Variants in ITFG1 observed in about 807,000 individuals in gnomAD.
ITFG1 encodes the protein T-cell immunomodulatory protein.
Under a neutral mutation model 81.8 loss-of-function variants are expected in ITFG1, and 34 were observed. That is an observed-to-expected ratio of 0.42 (90% CI 0.32 to 0.55). The LOEUF (loss-of-function observed/expected upper bound fraction) is 0.55, where lower values mean the gene tolerates loss of function less well. ITFG1 is among the 20% of genes least tolerant of loss of function. The probability of loss-of-function intolerance (pLI) is 0.17; values close to 1 mark genes in which losing one functional copy is unlikely to be tolerated. For missense variants in ITFG1, 672 were observed against 755.4 expected (o/e 0.89, Z 1.29); for synonymous variants, 285 against 270.6 (o/e 1.05, Z -0.52).
intron 10 of ITFG1, among the ~76,000 whole-genome samples, chr16:47,264,765 G>A (rs185556061): frequency 2.0e-5 from 3 of 152,074 alleles, no homozygotes; most frequent in Non-Finnish European, 4.4e-5. Context: ...ATATCTTGCC[G>A]GTATTAGTAA....
chr16:47,409,405 T>TATATATATATATATATATATATATATA (rs60029204), intron 6 of ITFG1, among the ~76,000 whole-genome samples: 1 of 8,036 alleles, frequency 1.2e-4, no homozygotes, highest in African/African-American at 4.3e-4. Context: ...TATATATATA[T>TATATATATATATATATATATATATATA]TTTTTTTTTT....
At chr16:47,349,923 A>G (rs1967924734) in intron 8 of ITFG1, among the ~76,000 whole-genome samples, 1 of 152,242 alleles carries the variant, frequency 6.6e-6, no homozygotes, top group African/African-American at 2.4e-5. Context: ...AAACTGGTCA[A>G]CTACATGGAA....
intron 8 of ITFG1, among the ~76,000 whole-genome samples, chr16:47,352,758 CAT>C (rs974793073): frequency 1.4e-4 from 21 of 152,136 alleles, no homozygotes; most frequent in African/African-American, 5.1e-4. Context: ...CACATGCACA[CAT>C]ATGTTTATTG....
intron 12 of ITFG1, among the ~76,000 whole-genome samples, chr16:47,248,512 A>G (rs570491683): frequency 6.6e-6 from 1 of 152,334 alleles, no homozygotes; most frequent in East Asian, 1.9e-4. Context: ...TGATTCTACT[A>G]ATGTCACCCT....
chr16:47,419,662 G>A (rs1364393746), intron 6 of ITFG1, among the ~76,000 whole-genome samples: 1 of 143,270 alleles, frequency 7.0e-6, no homozygotes, highest in Non-Finnish European at 1.5e-5. Flanking sequence ...ACTGGAGTGT[G>A]GTGGCACAAA....
rs1226955635 is a variant in ITFG1, at chr16:47,358,421, ATGT to A, written c.802+7364_802+7366del. Among the ~76,000 whole-genome samples, 7 of 152,352 alleles carry A rather than the reference ATGT, an allele frequency of 4.6e-5. No homozygotes were observed. In the East Asian group the frequency reaches 1.3e-3, roughly 29 times the overall value. On this transcript the variant is annotated intron_variant, in intron 8 of 17. Coordinates refer to ENST00000320640, the MANE Select transcript of ITFG1 (RefSeq NM_030790.5). The stretch of plus-strand genomic sequence containing the variant: ...TAACAGTAAATACTGTAGATAATGT[ATGT>A]TGTTATCTACTGGTCAGAATTCATG...
In ITFG1 at chr16:47,158,929, T is replaced by A. The variant is rs1567409331; in HGVS notation, c.1723A>T (p.Ile575Phe). 1.2e-6 allele frequency: 2 copies of A among 1,606,386 alleles called. No homozygotes were observed. The highest frequency in any genetic ancestry group is 1.7e-6 in the Non-Finnish European group (2 of 1,176,038). ...NIVLLTAIAL[I>F]GVCVFILAII... ...GCCAAGATGAAAACACAGACACCGA[T>A]GAGAGCTATAGCAGTAAGCAGAACA... The change falls in exon 17 of 18, where the codon ATC becomes TTC. Residue 575 changes from isoleucine (I) to phenylalanine (F), a missense_variant. This residue lies in a region of ITFG1 where 65 missense variants were observed against 103.3 expected (regional missense o/e 0.63). Coordinates refer to ENST00000320640, the MANE Select transcript of ITFG1 (RefSeq NM_030790.5).
intron 6 of ITFG1, among the ~76,000 whole-genome samples, chr16:47,419,174 A>C (rs1968909764): frequency 6.6e-6 from 1 of 152,144 alleles, no homozygotes; most frequent in African/African-American, 2.4e-5. Flanking sequence ...TTAGAGACAG[A>C]GTCTGTCTAT....
At chr16:47,370,573 G>A (rs1968239778) in intron 7 of ITFG1, among the ~76,000 whole-genome samples, 1 of 152,238 alleles carries the variant, frequency 6.6e-6, no homozygotes, top group Non-Finnish European at 1.5e-5. Context: ...GTTTTTAGAT[G>A]CCACTATGCT....
chr16:47,170,405 T>G (rs1252167960), intron 14 of ITFG1, among the ~76,000 whole-genome samples: 1 of 152,112 alleles, frequency 6.6e-6, no homozygotes, highest in Non-Finnish European at 1.5e-5. Flanking sequence ...TGGGTCAGTT[T>G]TGTATTGTGT....
At chr16:47,266,174 G>C (rs1966272575) in intron 10 of ITFG1, among the ~76,000 whole-genome samples, 1 of 152,088 alleles carries the variant, frequency 6.6e-6, no homozygotes, top group African/African-American at 2.4e-5. Context: ...ACCACAATGA[G>C]ACAACACTTC....
intron 14 of ITFG1, among the ~76,000 whole-genome samples, chr16:47,199,189 C>T (rs2151520039): frequency 6.6e-6 from 1 of 152,048 alleles, no homozygotes; most frequent in East Asian, 1.9e-4. Context: ...ATTGCTTGAA[C>T]CTGGGAGGCA....
chr16:47,190,189 A>G (rs907146375), intron 14 of ITFG1, among the ~76,000 whole-genome samples: 1 of 152,146 alleles, frequency 6.6e-6, no homozygotes, highest in Non-Finnish European at 1.5e-5. Flanking sequence ...CATTTCACTT[A>G]TAAGGGGCCT....
intron 2 of ITFG1, among the ~76,000 whole-genome samples, chr16:47,458,713 C>T (rs1969483310): frequency 6.6e-6 from 1 of 152,128 alleles, no homozygotes; most frequent in East Asian, 1.9e-4. Context: ...AGAACACTGA[C>T]TTTTTCCCCA....
chr16:47,281,158 A>G (rs1374441678), intron 10 of ITFG1, among the ~76,000 whole-genome samples: 1 of 152,124 alleles, frequency 6.6e-6, no homozygotes, highest in African/African-American at 2.4e-5. Context: ...TATGAAGTCA[A>G]GGCAGTCTTG....
chr16:47,434,058 T>A (rs1298503662), intron 5 of ITFG1, among the ~76,000 whole-genome samples: 1 of 150,362 alleles, frequency 6.7e-6, no homozygotes, highest in Non-Finnish European at 1.5e-5. Flanking sequence ...AAAAATTAAC[T>A]CAAGATGGAT....
At chr16:47,212,682 A>C (rs893048146) in intron 14 of ITFG1, among the ~76,000 whole-genome samples, 8 of 152,214 alleles carry the variant, frequency 5.3e-5, no homozygotes, top group African/African-American at 1.7e-4. Flanking sequence ...TGTGTTTTTC[A>C]AGAAGTTTGT....
intron 10 of ITFG1, among the ~76,000 whole-genome samples, chr16:47,273,790 G>GTCTA (rs1555507389): frequency 6.6e-6 from 1 of 151,584 alleles, no homozygotes; most frequent in African/African-American, 2.4e-5. Flanking sequence ...TAGTTTGTTT[G>GTCTA]TTTATTTATT....
intron 12 of ITFG1, among the ~76,000 whole-genome samples, chr16:47,250,531 CTAAAA>C (rs1353506613): frequency 6.6e-6 from 1 of 151,822 alleles, no homozygotes; most frequent in Non-Finnish European, 1.5e-5. Flanking sequence ...TATACATATA[CTAAAA>C]TATCATATTG....
Sources: gnomAD v4.1 joint callset for allele counts (sites outside exome capture counted in the v4.1 genomes callset) on GRCh38, gnomAD v4.1.1 for gene constraint, gnomAD v4.1.1 regional missense constraint, MANE v1.5 for transcripts, NCBI Gene and HGNC (gene_info 2026-07-23, HGNC 2026-07-21) for gene names.